Variants in DNER observed in about 807,000 individuals in gnomAD.
The protein encoded by DNER is delta and Notch-like epidermal growth factor-related receptor.
DNER carries 33 observed loss-of-function variants against 78.2 expected under a neutral mutation model. That is an observed-to-expected ratio of 0.42 (90% CI 0.32 to 0.56). The LOEUF (loss-of-function observed/expected upper bound fraction) is 0.56. Among genes scored for constraint, DNER ranks in the 20% least tolerant of loss-of-function variants. The probability of loss-of-function intolerance (pLI) is 0.11; values close to 1 mark genes in which losing one functional copy is unlikely to be tolerated. For synonymous variants in DNER, 417 were observed against 384.8 expected (o/e 1.08, Z -0.98); for missense variants, 918 against 975.3 (o/e 0.94, Z 0.78).
chr2:229,548,692 T>C (rs1696670056), intron 4 of DNER, among the ~76,000 whole-genome samples: 1 of 152,126 alleles, frequency 6.6e-6, no homozygotes. Flanking sequence ...TGTATACCTA[T>C]GTAACCAAAC....
intron 11 of DNER, among the ~76,000 whole-genome samples, chr2:229,368,617 A>G (rs1281255464): frequency 1.3e-5 from 2 of 152,224 alleles, no homozygotes; most frequent in East Asian, 3.8e-4. Flanking sequence ...CACATTGAAA[A>G]GGTCAAAAGG....
At chr2:229,638,986 T>C (rs1280427428) in intron 1 of DNER, among the ~76,000 whole-genome samples, 1 of 152,168 alleles carries the variant, frequency 6.6e-6, no homozygotes, top group Non-Finnish European at 1.5e-5. Context: ...CCACCTGGAC[T>C]CACCTGACGC....
chr2:229,382,986 G>A (rs1479471208), intron 11 of DNER, among the ~76,000 whole-genome samples: 2 of 152,054 alleles, frequency 1.3e-5, no homozygotes, highest in African/African-American at 4.8e-5. Flanking sequence ...TTGAAATGAA[G>A]GAAAAATGTT....
At chr2:229,657,317 TCC>T (rs1160572377) in intron 1 of DNER, among the ~76,000 whole-genome samples, 1 of 152,182 alleles carries the variant, frequency 6.6e-6, no homozygotes, top group Non-Finnish European at 1.5e-5. Context: ...GGGGAGGATT[TCC>T]TCATTTTTTT....
chr2:229,439,800 G>A (rs568072454), intron 8 of DNER, among the ~76,000 whole-genome samples: 6 of 152,276 alleles, frequency 3.9e-5, no homozygotes, highest in African/African-American at 1.2e-4. Flanking sequence ...GAAATGCATA[G>A]GTTAGTGACG....
chr2:229,668,622 CTCA>C (rs1253016153), intron 1 of DNER, among the ~76,000 whole-genome samples: 1 of 140,056 alleles, frequency 7.1e-6, no homozygotes, highest in East Asian at 2.0e-4. Context: ...TGAAAAAAAG[CTCA>C]TCATCACTGA....
chr2:229,635,187 T>G (rs1179177438), intron 1 of DNER, among the ~76,000 whole-genome samples: 1 of 152,068 alleles, frequency 6.6e-6, no homozygotes, highest in East Asian at 1.9e-4. Flanking sequence ...CTGGATGCTC[T>G]GGCTTTTTCC....
In DNER at chr2:229,362,404, T is replaced by A. The variant is rs372485016; in HGVS notation, c.2103-3753A>T. Among the ~76,000 whole-genome samples the A allele has an allele frequency of 4.0e-4, 61 of 152,292 alleles. 1 individual carries two copies. Among genetic ancestry groups the A allele is most frequent in the African/African-American group, 1.3e-3 (54 of 41,570 alleles). ...AACCTTCATGCATGTGACGACCCCA[T>A]AAACTGAAGCTCTCACTTAACCTGT... On this transcript the variant is annotated intron_variant, in intron 12 of 12. Transcript: ENST00000341772.
intron 5 of DNER, among the ~76,000 whole-genome samples, chr2:229,537,237 A>C (rs1400708835): frequency 6.6e-6 from 1 of 152,170 alleles, no homozygotes; most frequent in African/African-American, 2.4e-5. Flanking sequence ...CCCGCCAAAA[A>C]AAACCCAAAA....
intron 1 of DNER, among the ~76,000 whole-genome samples, chr2:229,710,574 G>A (rs996544124): frequency 1.3e-5 from 2 of 152,140 alleles, no homozygotes; most frequent in African/African-American, 4.8e-5. Context: ...CTTAAAAGGA[G>A]GGTAAGCTAC....
At chr2:229,496,189 C>T (rs956937976) in intron 6 of DNER, among the ~76,000 whole-genome samples, 1 of 152,098 alleles carries the variant, frequency 6.6e-6, no homozygotes, top group Non-Finnish European at 1.5e-5. Context: ...GTAATTGATG[C>T]GGATGACAAT....
intron 1 of DNER, among the ~76,000 whole-genome samples, chr2:229,656,118 C>T (rs975656786): frequency 6.6e-6 from 1 of 152,178 alleles, no homozygotes; most frequent in African/African-American, 2.4e-5. Context: ...TAATGTATTA[C>T]TGCAGCCCTA....
intron 1 of DNER, among the ~76,000 whole-genome samples, chr2:229,691,138 G>A (rs1699564473): frequency 6.6e-6 from 1 of 152,094 alleles, no homozygotes; most frequent in Non-Finnish European, 1.5e-5. Context: ...CAGCATTTGG[G>A]AAAGCTTTTT....
chr2:229,381,151 C>T (rs1692726214), intron 11 of DNER, among the ~76,000 whole-genome samples: 1 of 152,042 alleles, frequency 6.6e-6, no homozygotes. Flanking sequence ...GGTGTCGCCT[C>T]ACCCGGGAAA....
At chr2:229,502,650 A>G (rs1695645928) in intron 6 of DNER, among the ~76,000 whole-genome samples, 1 of 152,134 alleles carries the variant, frequency 6.6e-6, no homozygotes, top group African/African-American at 2.4e-5. Flanking sequence ...AAAACAAGAA[A>G]CAGAAGATAT....
chr2:229,652,921 G>T (rs1024140407), intron 1 of DNER, among the ~76,000 whole-genome samples: 1 of 152,140 alleles, frequency 6.6e-6, no homozygotes, highest in African/African-American at 2.4e-5. Context: ...CGGCGGCATG[G>T]GTAGTATGTT....
At chr2:229,466,860 TA>T (rs989820800) in intron 7 of DNER, among the ~76,000 whole-genome samples, 1 of 152,170 alleles carries the variant, frequency 6.6e-6, no homozygotes, top group Non-Finnish European at 1.5e-5. Context: ...TTTGGTTTTC[TA>T]AAAAGGGCAT....
At chr2:229,643,914 C>T (rs1430524782) in intron 1 of DNER, among the ~76,000 whole-genome samples, 1 of 152,092 alleles carries the variant, frequency 6.6e-6, no homozygotes, top group African/African-American at 2.4e-5. Flanking sequence ...TGATGGTTGC[C>T]TAACGTTGTC....
At chr2:229,686,300 C>T (rs979921222) in intron 1 of DNER, among the ~76,000 whole-genome samples, 6 of 152,074 alleles carry the variant, frequency 3.9e-5, no homozygotes, top group Non-Finnish European at 1.5e-5. Flanking sequence ...GCACTACCAC[C>T]GTCACCACCG....
Sources: allele counts gnomAD v4.1 joint callset (sites outside exome capture counted in the v4.1 genomes callset), GRCh38; gene constraint gnomAD v4.1.1; transcripts MANE v1.5; gene names NCBI Gene and HGNC (gene_info 2026-07-23, HGNC 2026-07-21).